The following PNPLA4 variants were observed in gnomAD, a reference collection of about 807,000 sequenced individuals.
The protein encoded by PNPLA4 is patatin like domain 4, phospholipase and triacylglycerol lipase.
In PNPLA4, 15 loss-of-function variants were observed where a neutral mutation model predicts 18.3. That is an observed-to-expected ratio of 0.82 (90% CI 0.55 to 1.26). The LOEUF (loss-of-function observed/expected upper bound fraction) is 1.26. Ranked by LOEUF, PNPLA4 falls within the 50% of genes most tolerant of loss-of-function variation. The pLI, the probability that PNPLA4 is intolerant of heterozygous loss-of-function variation, is 0.00. For synonymous variants in PNPLA4, 88 were observed against 85.6 expected, an observed-to-expected ratio of 1.03 and a Z score of -0.16; for missense variants, 229 against 196.8, an observed-to-expected ratio of 1.16 and a Z score of -0.98.
chrX:7,909,751 G>C (rs1227594685), intron 5 of PNPLA4, among the ~76,000 whole-genome samples: 1 of 109,922 alleles, frequency 9.1e-6, no homozygotes, highest in African/African-American at 3.3e-5. Context: ...CTAAGTTCTG[G>C]GCAACAGGAA....
intron 2 of PNPLA4, among the ~76,000 whole-genome samples, chrX:7,925,252 T>C (rs774740849): frequency 7.1e-4 from 80 of 112,345 alleles, no homozygotes; most frequent in African/African-American, 2.5e-3. Context: ...GGGTGTTAAA[T>C]TGTTATTTCA....
intron 2 of PNPLA4, among the ~76,000 whole-genome samples, chrX:7,922,423 C>G (rs1456222770): frequency 8.9e-6 from 1 of 112,488 alleles, no homozygotes; most frequent in East Asian, 2.8e-4. Flanking sequence ...CGCAATTAAC[C>G]TTCTCTCCCA....
intron 3 of PNPLA4, 22 bp from the exon 4 acceptor site, chrX:7,921,870 G>A: frequency 1.7e-6 from 2 of 1,187,329 alleles, no homozygotes; most frequent in Non-Finnish European, 1.1e-6. Context: ...AAAGCAATCT[G>A]AATTACTCAC....
chrX:7,906,537 C>A (rs1923710653), intron 5 of PNPLA4, among the ~76,000 whole-genome samples: 1 of 111,967 alleles, frequency 8.9e-6, no homozygotes, highest in Non-Finnish European at 1.9e-5. Flanking sequence ...AGAGGACTAA[C>A]ATGTTGTTTC....
chrX:7,900,827 A>G lies in PNPLA4; in HGVS notation c.631-10T>C. The G allele has an allele frequency of 8.4e-7, 1 of 1,187,090 alleles. No homozygotes were observed. On this transcript the variant is annotated splice_polypyrimidine_tract_variant and intron_variant, in intron 6 of 6. Coordinates refer to ENST00000381042, the MANE Select transcript of PNPLA4 (RefSeq NM_004650.3). ...GGTTTGCCAGGGACAACTAGAATAA[A>G]AAGACCAAAATTTAAGCTGTAGGAT...
chrX:7,912,880 T>G (rs1231891295), intron 4 of PNPLA4, among the ~76,000 whole-genome samples: 2 of 112,166 alleles, frequency 1.8e-5, no homozygotes, highest in Non-Finnish European at 1.9e-5. Context: ...TTTCATGAGT[T>G]TTTTTTCATC....
intron 5 of PNPLA4, among the ~76,000 whole-genome samples, chrX:7,906,510 T>C (rs1923709796): frequency 8.9e-6 from 1 of 111,939 alleles, no homozygotes; most frequent in Non-Finnish European, 1.9e-5. Flanking sequence ...ATAAACACCA[T>C]ACAGAAAATT....
In PNPLA4 at chrX:7,909,330, C is replaced by T. The variant is rs756806986; in HGVS notation, c.477+2698G>A. 1.1e-3 allele frequency among the ~76,000 whole-genome samples: 118 copies of T among 111,591 alleles called. 1 individual carries two copies. The highest frequency in any genetic ancestry group is 3.6e-3 in the African/African-American group (110 of 30,734). On this transcript the variant is annotated intron_variant, in intron 5 of 6. Coordinates refer to ENST00000381042, the MANE Select transcript of PNPLA4 (RefSeq NM_004650.3). Reference sequence around the variant, plus strand: ...ATCCCAGCACTTTCGGAAGCCAAGGCGGGTGGATCACGAGGTCAGGAGATA... The same window carrying T: ...ATCCCAGCACTTTCGGAAGCCAAGGTGGGTGGATCACGAGGTCAGGAGATA...
At chrX:7,903,833 T>C (rs1292478742) in intron 5 of PNPLA4, among the ~76,000 whole-genome samples, 7 of 112,046 alleles carry the variant, frequency 6.2e-5, no homozygotes, top group African/African-American at 1.9e-4. Context: ...TTTTAAAAGA[T>C]ATAAAGATTA....
intron 6 of PNPLA4, 101 bp downstream of exon 6, chrX:7,901,888 C>T (rs1196532010): frequency 8.4e-6 from 7 of 836,017 alleles, no homozygotes; most frequent in Non-Finnish European, 1.2e-5. Flanking sequence ...CTCCTACCTA[C>T]AATTATCAAT....
At chrX:7,919,240 A>C (rs1462716787) in intron 4 of PNPLA4, among the ~76,000 whole-genome samples, 1 of 112,807 alleles carries the variant, frequency 8.9e-6, no homozygotes, top group Non-Finnish European at 1.9e-5. Flanking sequence ...CTACAAATTT[A>C]ACCCCTTCAA....
chrX:7,902,934 T>C (rs906096289), intron 5 of PNPLA4, among the ~76,000 whole-genome samples: 46 of 112,073 alleles, frequency 4.1e-4, no homozygotes, highest in African/African-American at 1.5e-3. Flanking sequence ...TGATCTGATG[T>C]ATTCACATGA....
intron 5 of PNPLA4, among the ~76,000 whole-genome samples, chrX:7,909,466 G>A (rs1390699134): frequency 9.1e-6 from 1 of 110,461 alleles, no homozygotes; most frequent in Non-Finnish European, 1.9e-5. Flanking sequence ...GGCTGAGGCA[G>A]GAGAATGGCG....
chrX:7,921,809 C>T lies in PNPLA4; in HGVS notation c.315G>A (p.Glu105=), dbSNP rs750679693. Residue 105 remains glutamate, a synonymous_variant, in exon 4 of 7, where the codon GAG becomes GAA. Transcript: ENST00000381042. ...ATACGTGCAGTCGGTTCTGGGCCAG[C>T]TCGTGAGCGCTGGGAGGAAGAATCG... The part of the protein sequence containing the change: ...MESILPPSAH[E]LAQNRLHVSI... The T allele has an allele frequency of 1.7e-6, 2 of 1,208,454 alleles. No individual in the cohort carries two copies. Among genetic ancestry groups the T allele is most frequent in the South Asian group, 1.8e-5 (1 of 56,860 alleles).
intron 4 of PNPLA4, among the ~76,000 whole-genome samples, chrX:7,913,452 T>C (rs907567091): frequency 2.7e-5 from 3 of 112,302 alleles, no homozygotes; most frequent in Non-Finnish European, 5.6e-5. Context: ...TAACAGCTCC[T>C]ATAGCAACAG....
At chrX:7,901,470 C>T (rs749613604) in intron 6 of PNPLA4, among the ~76,000 whole-genome samples, 1 of 110,375 alleles carries the variant, frequency 9.1e-6, no homozygotes, top group Non-Finnish European at 1.9e-5. Flanking sequence ...GCCTGCAGTC[C>T]CAGGTACTTG....
Position 7,919,100 on chromosome X carries a change from T to C in PNPLA4, c.411+2613A>G, listed in dbSNP as rs770037920. On this transcript the variant is annotated intron_variant, in intron 4 of 6. Transcript: ENST00000381042. ...AGTATTACACATTTGTGTCAACAATTTCTCTTCTGTTCAATGAACTCAAGT... is the reference window on the plus strand; with the variant it reads ...AGTATTACACATTTGTGTCAACAATCTCTCTTCTGTTCAATGAACTCAAGT... Among the ~76,000 whole-genome samples the C allele has an allele frequency of 4.4e-5, 5 of 113,052 alleles. No homozygotes were observed. The East Asian group carries it at 1.4e-3, about 31-fold the overall frequency.
At chrX:7,911,930 C>T in intron 5 of PNPLA4, 98 bp downstream of exon 5, 1 of 572,674 alleles carries the variant, frequency 1.7e-6, no homozygotes, top group Non-Finnish European at 2.9e-6. Context: ...AAAACATAAA[C>T]TGATTTGAAG....
intron 5 of PNPLA4, among the ~76,000 whole-genome samples, chrX:7,910,825 T>C (rs1923850578): frequency 9.1e-6 from 1 of 109,722 alleles, no homozygotes; most frequent in Non-Finnish European, 1.9e-5. Context: ...TCTATTTAAT[T>C]ATAAATAGAT....
Sources: gnomAD v4.1 joint callset for allele counts (sites outside exome capture counted in the v4.1 genomes callset) on GRCh38, gnomAD v4.1.1 for gene constraint, MANE v1.5 for transcripts, NCBI Gene and HGNC (gene_info 2026-07-23, HGNC 2026-07-21) for gene names.